The following RSF1 variants were observed in gnomAD, a reference collection of about 807,000 sequenced individuals.
RSF1 encodes remodeling and spacing factor 1.
In RSF1, 13 loss-of-function variants were observed where a neutral mutation model predicts 145.2. The ratio of observed to expected loss-of-function variants is 0.09; its 90% CI spans 0.06 to 0.14. The LOEUF is 0.14. RSF1 is among the 10% of genes least tolerant of loss of function. The pLI is 1.00. For synonymous variants in RSF1, 577 were observed against 592.6 expected (o/e 0.97, Z 0.38); for missense variants, 1,517 against 1,718.2 (o/e 0.88, Z 2.07).
At chr11:77,865,784 A>C in the RSF1 span, among the ~76,000 whole-genome samples, 1 of 152,232 alleles carries the variant, frequency 6.6e-6, no homozygotes, top group Non-Finnish European at 1.5e-5. Context: ...TATTTTGATA[A>C]TTCCACTTGT....
chr11:77,689,322 C>A (rs1231294538), intron 9 of RSF1, among the ~76,000 whole-genome samples: 3 of 152,118 alleles, frequency 2.0e-5, no homozygotes, highest in Non-Finnish European at 4.4e-5. Context: ...TGATGGCCGC[C>A]CCACTTTCTA....
At chr11:77,735,214 C>T (rs1961317753) in intron 4 of RSF1, among the ~76,000 whole-genome samples, 1 of 152,198 alleles carries the variant, frequency 6.6e-6, no homozygotes, top group Admixed American at 6.5e-5. Context: ...ACCCCGACGA[C>T]TCTCGGCAAA....
intron 4 of RSF1, chr11:77,734,981 C>G: frequency 6.3e-7 from 1 of 1,596,862 alleles, no homozygotes; most frequent in East Asian, 2.2e-5. Context: ...GCCTCTGAGT[C>G]CTGGTGGTAG....
intron 1 of RSF1, among the ~76,000 whole-genome samples, chr11:77,764,922 C>T (rs763527809): frequency 2.0e-5 from 3 of 151,958 alleles, no homozygotes; most frequent in African/African-American, 4.8e-5. Flanking sequence ...TTCAAAACAC[C>T]ATCAAATAAA....
intron 4 of RSF1, among the ~76,000 whole-genome samples, chr11:77,739,866 T>C (rs181427751): frequency 2.7e-3 from 412 of 152,318 alleles, no homozygotes; most frequent in African/African-American, 8.8e-3. Context: ...TTATATTTCA[T>C]GGTTATATAT....
At chr11:77,855,176 C>T in the RSF1 span, among the ~76,000 whole-genome samples, 1 of 152,198 alleles carries the variant, frequency 6.6e-6, no homozygotes, top group South Asian at 2.1e-4. Flanking sequence ...GCCTCCAGGC[C>T]TGTGATGGGA....
intron 5 of RSF1, among the ~76,000 whole-genome samples, chr11:77,714,585 C>T (rs1441653373): frequency 1.3e-5 from 2 of 152,170 alleles, no homozygotes; most frequent in Non-Finnish European, 2.9e-5. Context: ...TGACTCACAC[C>T]TGTAATCCCA....
chr11:77,796,066 G>A (rs934299158), intron 1 of RSF1, among the ~76,000 whole-genome samples: 12 of 152,022 alleles, frequency 7.9e-5, no homozygotes, highest in African/African-American at 2.4e-4. Flanking sequence ...CCCCTATATC[G>A]TTTCTTCTTG....
the RSF1 span, among the ~76,000 whole-genome samples, chr11:77,859,691 T>G: frequency 6.6e-6 from 1 of 152,180 alleles, no homozygotes; most frequent in Non-Finnish European, 1.5e-5. Flanking sequence ...AGTATACAAG[T>G]TGAGGTTGGG....
intron 1 of RSF1, among the ~76,000 whole-genome samples, chr11:77,780,485 T>C (rs900398136): frequency 4.6e-5 from 7 of 152,096 alleles, no homozygotes; most frequent in South Asian, 2.1e-4. Flanking sequence ...TGCTAATTAA[T>C]AGATGACAAA....
intron 1 of RSF1, among the ~76,000 whole-genome samples, chr11:77,807,275 A>G (rs1273567659): frequency 6.6e-6 from 1 of 152,178 alleles, no homozygotes; most frequent in Non-Finnish European, 1.5e-5. Flanking sequence ...TTACTCAACC[A>G]TTCAAATTTC....
At chr11:77,821,378 G>A, upstream of RSF1, 1 of 155,084 alleles carries the variant, frequency 6.4e-6, no homozygotes, top group East Asian at 1.9e-4. Context: ...AGGTAGAGGT[G>A]TGCCCTTAAT....
At chr11:77,689,872 C>A (rs1354025796) in intron 9 of RSF1, among the ~76,000 whole-genome samples, 1 of 152,124 alleles carries the variant, frequency 6.6e-6, no homozygotes, top group Non-Finnish European at 1.5e-5. Flanking sequence ...CATCTAAGAA[C>A]CCTTCTCCAG....
intron 7 of RSF1, among the ~76,000 whole-genome samples, chr11:77,694,639 A>G (rs912029783): frequency 6.6e-6 from 1 of 152,244 alleles, no homozygotes; most frequent in African/African-American, 2.4e-5. Context: ...ATTACCTCAT[A>G]TAACTATGGT....
intron 1 of RSF1, among the ~76,000 whole-genome samples, chr11:77,807,151 C>T (rs1370196188): frequency 6.6e-6 from 1 of 152,194 alleles, no homozygotes; most frequent in African/African-American, 2.4e-5. Flanking sequence ...CAACCACAAA[C>T]CTTATCAGAA....
chr11:77,732,020 T>G (rs1223651218), intron 4 of RSF1, among the ~76,000 whole-genome samples: 1 of 152,186 alleles, frequency 6.6e-6, no homozygotes, highest in South Asian at 2.1e-4. Flanking sequence ...GATCCACTGA[T>G]AGCTTGCACC....
chr11:77,765,066 T>C (rs1948212220), intron 1 of RSF1, among the ~76,000 whole-genome samples: 1 of 152,108 alleles, frequency 6.6e-6, no homozygotes, highest in South Asian at 2.1e-4. Context: ...CAGGGATACA[T>C]GGGAACTCTC....
At chr11:77,823,006 G>C (rs980652593), upstream of RSF1, among the ~76,000 whole-genome samples, 6 of 152,112 alleles carry the variant, frequency 3.9e-5, no homozygotes, top group African/African-American at 1.4e-4. Context: ...ACGAGGTCAG[G>C]AGATCAAGAC....
the RSF1 span, among the ~76,000 whole-genome samples, chr11:77,827,348 C>A: frequency 6.6e-6 from 1 of 152,044 alleles, no homozygotes; most frequent in Non-Finnish European, 1.5e-5. Flanking sequence ...CAAGGAAAGC[C>A]CAATACCTCA....
Sources: gnomAD v4.1 joint callset for allele counts (sites outside exome capture counted in the v4.1 genomes callset) on GRCh38, gnomAD v4.1.1 for gene constraint, MANE v1.5 for transcripts, NCBI Gene and HGNC (gene_info 2026-07-23, HGNC 2026-07-21) for gene names.